Variants in AGBL4 observed in about 807,000 individuals in gnomAD.
AGBL4 encodes AGBL carboxypeptidase 4.
AGBL4 carries 58 observed loss-of-function variants against 66.4 expected under a neutral mutation model. The observed-to-expected ratio is 0.87, with a 90% CI of 0.71 to 1.09. The LOEUF (loss-of-function observed/expected upper bound fraction) is 1.09. AGBL4 is among the 50% of genes least tolerant of loss of function. AGBL4 has a pLI of 0.00. For synonymous variants in AGBL4, 234 were observed against 222.9 expected (o/e 1.05, Z -0.44); for missense variants, 579 against 631.0 (o/e 0.92, Z 0.88).
intron 3 of AGBL4, among the ~76,000 whole-genome samples, chr1:49,547,876 T>C (rs937838367): frequency 2.0e-5 from 3 of 151,788 alleles, no homozygotes; most frequent in African/African-American, 7.3e-5. Context: ...CGGGTTCAAG[T>C]GATTCTCCTG....
intron 3 of AGBL4, among the ~76,000 whole-genome samples, chr1:49,394,899 TC>T (rs1189622814): frequency 6.6e-6 from 1 of 152,194 alleles, no homozygotes; most frequent in Non-Finnish European, 1.5e-5. Context: ...CATTCTGGTC[TC>T]TCTGCCTAAT....
intron 6 of AGBL4, among the ~76,000 whole-genome samples, chr1:48,794,486 C>A (rs1645622760): frequency 1.3e-5 from 2 of 152,160 alleles, no homozygotes; most frequent in Admixed American, 1.3e-4. Flanking sequence ...AACATCCACT[C>A]ACCTCCCATT....
chr1:49,754,872 T>C (rs1651773514), intron 2 of AGBL4, among the ~76,000 whole-genome samples: 1 of 152,196 alleles, frequency 6.6e-6, no homozygotes, highest in South Asian at 2.1e-4. Flanking sequence ...AGACTGAAGA[T>C]CCAGGGAAGA....
intron 4 of AGBL4, among the ~76,000 whole-genome samples, chr1:49,176,007 A>T (rs184917525): frequency 1.1e-4 from 16 of 152,324 alleles, no homozygotes; most frequent in Admixed American, 3.3e-4. Context: ...ATACAATTAT[A>T]TACAATACAC....
chr1:49,669,941 T>C (rs1646444742), intron 3 of AGBL4, among the ~76,000 whole-genome samples: 1 of 152,088 alleles, frequency 6.6e-6, no homozygotes, highest in African/African-American at 2.4e-5. Flanking sequence ...AAAAGTTGGA[T>C]AGGCACTCTA....
intron 3 of AGBL4, among the ~76,000 whole-genome samples, chr1:49,567,739 A>G (rs1239946706): frequency 6.6e-6 from 1 of 152,154 alleles, no homozygotes; most frequent in Non-Finnish European, 1.5e-5. Flanking sequence ...CTATGAGGCC[A>G]GCATCATGCT....
At chr1:49,184,668 A>C (rs928226234) in intron 4 of AGBL4, among the ~76,000 whole-genome samples, 6 of 152,202 alleles carry the variant, frequency 3.9e-5, no homozygotes, top group Non-Finnish European at 8.8e-5. Context: ...ACCTTATATG[A>C]TAGATTTCTG....
intron 5 of AGBL4, among the ~76,000 whole-genome samples, chr1:48,958,685 G>C (rs1657702926): frequency 6.6e-6 from 1 of 152,186 alleles, no homozygotes; most frequent in South Asian, 2.1e-4. Context: ...ACTGGCCAGG[G>C]CTGGCAGTGT....
intron 1 of AGBL4, among the ~76,000 whole-genome samples, chr1:50,021,678 G>T (rs903715184): frequency 6.6e-6 from 1 of 151,802 alleles, no homozygotes; most frequent in African/African-American, 2.4e-5. Flanking sequence ...ACCTTCTAAG[G>T]TCTCTCTATA....
At chr1:48,522,732 C>A in the AGBL4 span, among the ~76,000 whole-genome samples, 1 of 151,996 alleles carries the variant, frequency 6.6e-6, no homozygotes, top group Admixed American at 6.6e-5. Flanking sequence ...GGAATCACCA[C>A]CAGAGTTGCT....
chr1:48,668,679 G>T (rs1646228752), intron 6 of AGBL4, among the ~76,000 whole-genome samples: 1 of 152,222 alleles, frequency 6.6e-6, no homozygotes, highest in Non-Finnish European at 1.5e-5. Flanking sequence ...GGAGGAAACT[G>T]ATGTTCATCC....
intron 5 of AGBL4, among the ~76,000 whole-genome samples, chr1:49,032,143 C>A (rs1664281384): frequency 6.6e-6 from 1 of 152,064 alleles, no homozygotes; most frequent in Admixed American, 6.6e-5. Flanking sequence ...GTGGGTAGAC[C>A]ATAGGCAGCA....
intron 4 of AGBL4, among the ~76,000 whole-genome samples, chr1:49,239,304 A>G (rs1480961330): frequency 1.8e-4 from 28 of 152,158 alleles, no homozygotes; most frequent in Non-Finnish European, 1.5e-5. Flanking sequence ...ATTTTTGGAG[A>G]ACATGTATAA....
chr1:48,627,008 G>A (rs554052369), intron 9 of AGBL4, among the ~76,000 whole-genome samples: 1 of 152,112 alleles, frequency 6.6e-6, no homozygotes, highest in South Asian at 2.1e-4. Context: ...TATTTCTGAT[G>A]TGTACGTGGG....
intron 11 of AGBL4, chr1:48,585,511 T>C: frequency 6.6e-6 from 1 of 152,376 alleles, no homozygotes; most frequent in Non-Finnish European, 1.5e-5. Flanking sequence ...AGAGGGGCAA[T>C]GTGGCACATA....
intron 2 of AGBL4, chr1:49,846,493 T>C (rs1029882384): frequency 7.5e-6 from 7 of 934,776 alleles, no homozygotes; most frequent in Non-Finnish European, 9.3e-6. Context: ...GAGAAACATA[T>C]GTCTTTATCA....
At chr1:48,545,353 C>T (rs74614674) in intron 11 of AGBL4, among the ~76,000 whole-genome samples, 1 of 152,170 alleles carries the variant, frequency 6.6e-6, no homozygotes, top group African/African-American at 2.4e-5. Flanking sequence ...ATTACATATT[C>T]CCTAACCTTG....
At chr1:49,658,422 C>T (rs1035089123) in intron 3 of AGBL4, among the ~76,000 whole-genome samples, 4 of 152,214 alleles carry the variant, frequency 2.6e-5, no homozygotes, top group East Asian at 1.9e-4. Context: ...ACTGTAAACT[C>T]GTTCAACCAT....
chr1:49,704,034 C>A (rs1304472225), intron 2 of AGBL4, among the ~76,000 whole-genome samples: 1 of 152,028 alleles, frequency 6.6e-6, no homozygotes, highest in African/African-American at 2.4e-5. Flanking sequence ...ATATCCAAGT[C>A]TTTTGCACTA....
Sources: allele counts gnomAD v4.1 joint callset (sites outside exome capture counted in the v4.1 genomes callset), GRCh38; gene constraint gnomAD v4.1.1; transcripts MANE v1.5; gene names NCBI Gene and HGNC (gene_info 2026-07-23, HGNC 2026-07-21).